The following PKD1L3 variants were observed in gnomAD, a reference collection of about 807,000 sequenced individuals.
PKD1L3 encodes polycystin 1 like 3, transient receptor potential channel interacting.
Under a neutral mutation model 184.1 loss-of-function variants are expected in PKD1L3, and 239 were observed. That is an observed-to-expected ratio of 1.30 (90% CI 1.17 to 1.45). PKD1L3 has a LOEUF of 1.45. Among genes scored for constraint, PKD1L3 ranks in the 40% most tolerant of loss-of-function variants. PKD1L3 has a pLI of 0.00. For synonymous variants in PKD1L3, 996 were observed against 778.8 expected (o/e 1.28, Z -4.64); for missense variants, 2,660 against 2,067.2 (o/e 1.29, Z -5.56).
At chr16:71,993,496 T>C (rs2040671294) in intron 2 of PKD1L3, among the ~76,000 whole-genome samples, 164 bp from the exon 3 acceptor site, 1 of 152,228 alleles carries the variant, frequency 6.6e-6, no homozygotes. Context: ...GCCCTTTTGC[T>C]CTGCTCACAT....
At chr16:71,983,947 G>A (rs2040262098) in intron 6 of PKD1L3, 89 bp downstream of exon 6, 11 of 1,487,200 alleles carry the variant, frequency 7.4e-6, no homozygotes, top group African/African-American at 2.8e-5. Context: ...ACAGGCGTGA[G>A]CCACCGCACC....
At chr16:71,960,871 AAC>A (rs1400925596) in intron 16 of PKD1L3, among the ~76,000 whole-genome samples, 1 of 152,122 alleles carries the variant, frequency 6.6e-6, no homozygotes, top group African/African-American at 2.4e-5. Flanking sequence ...CAGCTTGGCA[AAC>A]ACAGTGAGAC....
Position 71,977,236 on chromosome 16 carries a change from C to A in PKD1L3, c.1759G>T (p.Asp587Tyr), listed in dbSNP as rs1390918949. Reference protein sequence around the residue: ...TLPKDKVWQKDEEYTWVLNPE... With the variant: ...TLPKDKVWQKYEEYTWVLNPE... ...TTTCTGACAGCTGATTGGGTTTTACCTTTTTGCCACACCTTATCCTTTGGA... is the reference window on the plus strand; with the variant it reads ...TTTCTGACAGCTGATTGGGTTTTACATTTTTGCCACACCTTATCCTTTGGA... Residue 587 changes from aspartate (D) to tyrosine (Y), a missense_variant and splice_region_variant, in exon 11 of 30, where the codon GAT becomes TAT. By Grantham distance (160) the Asp-to-Tyr change is radical. Transcript: ENST00000620267. 1 of 1,518,320 alleles carries A rather than the reference C, an allele frequency of 6.6e-7. No homozygotes were observed. The highest frequency in any genetic ancestry group is 1.4e-5 in the African/African-American group (1 of 72,302). The allele number at this position is 1,518,320 out of a possible 1,614,324, so 94.1% of individuals were successfully genotyped here.
At chr16:71,980,555 C>T (rs1001210773) in intron 7 of PKD1L3, among the ~76,000 whole-genome samples, 11 of 152,040 alleles carry the variant, frequency 7.2e-5, no homozygotes, top group East Asian at 1.9e-4. Flanking sequence ...ACATGGTGGC[C>T]GGGTGTGGTG....
rs557263404 is a variant in PKD1L3 at position 71,962,244 on chromosome 16, C to G, written c.2612+961G>C. 2.1e-3 allele frequency among the ~76,000 whole-genome samples: 313 copies of G among 152,064 alleles called. 17 individuals carry two copies. The South Asian group carries it at 0.064, about 31-fold the overall frequency. On this transcript the variant is annotated intron_variant, in intron 16 of 29. Transcript: ENST00000620267. ...CGGCTAGGACATGGTGTGTGGGCCT[C>G]TTGCAATCATCTTGTTCCCATGAGG...
intron 22 of PKD1L3, among the ~76,000 whole-genome samples, chr16:71,944,757 T>A (rs2038502003): frequency 7.1e-6 from 1 of 141,128 alleles, no homozygotes; most frequent in African/African-American, 2.6e-5. Context: ...TGGAGTGCAA[T>A]GCATGATCTT....
chr16:71,981,195 T>G (rs1389760878), intron 7 of PKD1L3, among the ~76,000 whole-genome samples: 1 of 152,184 alleles, frequency 6.6e-6, no homozygotes, highest in African/African-American at 2.4e-5. Flanking sequence ...CAAACTTGAG[T>G]GTACAAGTTT....
chr16:71,957,680 C>A lies in PKD1L3; in HGVS notation c.2613-3379G>T, dbSNP rs151117907. ...GGCATGGTGGCACATGCCTGTATTT[C>A]TAGCTACTCGGGAGGCTAAGGCAGG... On this transcript the variant is annotated intron_variant, in intron 16 of 29. Transcript: ENST00000620267. 4.4e-3 allele frequency among the ~76,000 whole-genome samples: 671 copies of A among 152,234 alleles called. 2 individuals carry two copies. Among genetic ancestry groups the A allele is most frequent in the Non-Finnish European group, 7.7e-3 (526 of 68,004 alleles).
At position 71,986,460 on chromosome 16, in the gene PKD1L3, G is replaced by A; in HGVS notation, c.595C>T (p.Leu199=). The change falls in exon 5 of 30, where the codon CTG becomes TTG. Residue 199 remains leucine (L), a synonymous_variant. Transcript: ENST00000620267. The stretch of plus-strand genomic sequence containing the variant: ...GGAAACTGGCTGATGGGATGACACA[G>A]GGTCTTGGACTAAAAGATAAAAATA... ...YPLPAHLSKT[L]CHPISQFPSV... 1 of 1,551,574 alleles carries A rather than the reference G, an allele frequency of 6.4e-7. No individual in the cohort carries two copies. The highest frequency in any genetic ancestry group is 8.7e-7 in the Non-Finnish European group (1 of 1,146,682).
At chr16:71,961,219 C>T (rs888641774) in intron 16 of PKD1L3, among the ~76,000 whole-genome samples, 1 of 152,026 alleles carries the variant, frequency 6.6e-6, no homozygotes, top group Admixed American at 6.6e-5. Context: ...CTTGACCTCC[C>T]GGGTTCAACT....
chr16:71,990,264 C>A lies in PKD1L3; in HGVS notation c.585+16G>T. On this transcript the variant is annotated intron_variant, in intron 4 of 29. Transcript: ENST00000620267. ...ATCAACATTTCACAATGTATGTTGT[C>A]AAGGGAAGCACTTACAAGATGAGCA... 1 of 1,531,794 alleles carries A rather than the reference C, an allele frequency of 6.5e-7. No individual in the cohort carries two copies. The highest frequency in any genetic ancestry group is 1.2e-5 in the South Asian group (1 of 83,596). The allele number at this position is 1,531,794 out of a possible 1,614,324, so 94.9% of individuals were successfully genotyped here.
Position 71,979,504 on chromosome 16 carries a change from A to AAC in PKD1L3, c.1398+280_1398+281dup, listed in dbSNP as rs545264660. Among the ~76,000 whole-genome samples, 11 of 152,214 alleles carry AAC rather than the reference A, an allele frequency of 7.2e-5. No homozygotes were observed. In the South Asian group the frequency reaches 2.3e-3, roughly 32 times the overall value. On this transcript the variant is annotated intron_variant, in intron 9 of 29. Transcript: ENST00000620267. ...AACAAAACAAAACAAGAAAACAAAA[A>AAC]ACACAACAACAAAAAACAAACTGCA...
chr16:71,994,180 C>T (rs79217285), intron 2 of PKD1L3, among the ~76,000 whole-genome samples: 2,781 of 152,254 alleles, frequency 0.018, 42 homozygotes, highest in Middle Eastern at 0.031. Context: ...TATGGCTCAG[C>T]TTAAATTCGC....
At chr16:71,949,346 C>CTT (rs543483265) in intron 21 of PKD1L3, among the ~76,000 whole-genome samples, 14 of 122,798 alleles carry the variant, frequency 1.1e-4, no homozygotes, top group African/African-American at 2.4e-4. Context: ...TGTCAGTTTG[C>CTT]TTTTTTTTTT....
rs2040183987 is a variant in PKD1L3, at chr16:71,982,123, G to C, written c.1079C>G (p.Ser360Cys). 1 of 1,551,922 alleles carries C rather than the reference G, an allele frequency of 6.4e-7. No homozygotes were observed. Among genetic ancestry groups the C allele is most frequent in the South Asian group, 1.2e-5 (1 of 83,992 alleles). The change falls in exon 7 of 30, where the codon TCC (serine) becomes TGC (cysteine). Residue 360 changes from serine (S) to cysteine (C), a missense_variant. Transcript: ENST00000620267. ...KVPPTVCPFHSLNNVTKAGEG... is the reference protein window; with the variant it reads ...KVPPTVCPFHCLNNVTKAGEG... ...TCCAGCTTTGGTGACATTGTTGAGG[G>C]AATGAAAGGGGCAGACAGTTGGAGG... is the stretch of plus-strand genomic sequence containing the variant.
chr16:71,951,309 G>A (rs2038824516), intron 19 of PKD1L3, among the ~76,000 whole-genome samples: 1 of 152,136 alleles, frequency 6.6e-6, no homozygotes, highest in South Asian at 2.1e-4. Context: ...CAAAGTGCCG[G>A]GATTACAGGC....
intron 24 of PKD1L3, among the ~76,000 whole-genome samples, chr16:71,938,548 T>G (rs575091287): frequency 5.3e-5 from 8 of 152,278 alleles, no homozygotes; most frequent in African/African-American, 1.9e-4. Context: ...AACCTGCCAG[T>G]TTCACTAACT....
At chr16:71,943,094 T>A (rs992364790) in intron 23 of PKD1L3, 70 bp from the exon 24 acceptor site, 1 of 1,278,166 alleles carries the variant, frequency 7.8e-7, no homozygotes, top group Non-Finnish European at 1.1e-6. Context: ...TCTTTTTCAT[T>A]TTTCCTAAGT....
At position 71,942,741 on chromosome 16, in the gene PKD1L3, A is replaced by T. The variant is rs1419688049; in HGVS notation, c.4143T>A (p.Gly1381=). ...GGCCGTTATCACAAAACGCCAGCTG[A>T]CCTTCGTCCACTTTCTCATAGGTCT... is the stretch of plus-strand genomic sequence containing the variant. ...RTKTYEKVDE[G]QLAFCDNGHT... The change falls in exon 24 of 30, where the codon GGT becomes GGA. Residue 1381 remains glycine (G), a synonymous_variant. Transcript: ENST00000620267. 4 of 1,551,706 alleles carry T rather than the reference A, an allele frequency of 2.6e-6. No individual in the cohort carries two copies. Among genetic ancestry groups the T allele is most frequent in the Non-Finnish European group, 3.5e-6 (4 of 1,147,002 alleles).
Sources: allele counts gnomAD v4.1 joint callset (sites outside exome capture counted in the v4.1 genomes callset), GRCh38; gene constraint gnomAD v4.1.1; transcripts MANE v1.5; gene names NCBI Gene and HGNC (gene_info 2026-07-23, HGNC 2026-07-21).